The following KREMEN1 variants were observed in gnomAD, a reference collection of about 807,000 sequenced individuals.
KREMEN1 encodes kringle containing transmembrane protein 1, also known as kremen protein 1.
Under a neutral mutation model 46.5 loss-of-function variants are expected in KREMEN1, and 30 were observed. The ratio of observed to expected loss-of-function variants is 0.65; its 90% CI spans 0.48 to 0.88. The LOEUF is 0.88. Ranked by LOEUF, KREMEN1 falls within the 40% of genes least tolerant of loss-of-function variation. KREMEN1 has a pLI of 0.00. For synonymous variants in KREMEN1, 214 were observed against 230.6 expected, an observed-to-expected ratio of 0.93 and a Z score of 0.65; for missense variants, 533 against 596.9, an observed-to-expected ratio of 0.89 and a Z score of 1.11.
chr22:29,136,560 C>T (rs547494220), intron 5 of KREMEN1, among the ~76,000 whole-genome samples: 8 of 145,260 alleles, frequency 5.5e-5, no homozygotes, highest in South Asian at 2.3e-4. Context: ...GGGAGACAGA[C>T]GGAGACTCCT....
chr22:29,125,189 AC>A (rs1311265535), intron 4 of KREMEN1, 73 bp from the exon 5 acceptor site: 5 of 1,560,186 alleles, frequency 3.2e-6, no homozygotes, highest in African/African-American at 2.7e-5. Flanking sequence ...CTGGAAGCCC[AC>A]CCTGCCAGGC....
At chr22:29,134,661 C>G (rs1280376984) in intron 5 of KREMEN1, among the ~76,000 whole-genome samples, 1 of 152,160 alleles carries the variant, frequency 6.6e-6, no homozygotes, top group Non-Finnish European at 1.5e-5. Flanking sequence ...AGTGTTTACA[C>G]CTGGGCAGAT....
At chr22:29,105,519 G>T (rs1314430504) in intron 3 of KREMEN1, among the ~76,000 whole-genome samples, 3 of 130,316 alleles carry the variant, frequency 2.3e-5, no homozygotes, top group African/African-American at 7.7e-5. Context: ...ACACTCTGAT[G>T]AATTCCAAGC....
At position 29,162,586 on chromosome 22, in the gene KREMEN1, C is replaced by T. The variant is rs143336169; in HGVS notation, c.1417-4458C>T. On this transcript the variant is annotated intron_variant, in intron 9 of 9. Transcript: ENST00000327813. ...ACAGAAAATTAGCTGGGCGTGGTGG[C>T]AGATGCCTGTAATCTCAGCTACTCG... is the stretch of plus-strand genomic sequence containing the variant. Among the ~76,000 whole-genome samples the T allele has an allele frequency of 2.6e-4, 39 of 152,142 alleles. 1 individual carries two copies. Among genetic ancestry groups the T allele is most frequent in the Non-Finnish European group, 3.7e-4 (25 of 68,000 alleles).
Position 29,140,331 on chromosome 22 carries a change from C to T in KREMEN1, c.1173C>T (p.Ala391=), listed in dbSNP as rs767206044. The T allele has an allele frequency of 6.2e-7, 1 of 1,614,116 alleles. No homozygotes were observed. Among genetic ancestry groups the T allele is most frequent in the South Asian group, 1.1e-5 (1 of 91,088 alleles). Residue 391 remains alanine (A), a synonymous_variant, in exon 8 of 9, where the codon GCC becomes GCT. Coordinates refer to ENST00000400335, the MANE Select transcript of KREMEN1 (RefSeq NM_001039570.3). ...LATLLILTVT[A]IVAKILLHVT... is the part of the protein sequence containing the mutation. ...CTCTCCTCATCCTCACAGTCACAGC[C>T]ATTGTAGCAAAGATACTTCTGCACG...
intron 3 of KREMEN1, among the ~76,000 whole-genome samples, chr22:29,102,943 A>G (rs2037998493): frequency 1.3e-5 from 2 of 152,276 alleles, no homozygotes; most frequent in South Asian, 4.1e-4. Context: ...TGTGGGGACC[A>G]GGGCTCCCCA....
chr22:29,152,225 C>T lies in KREMEN1; in HGVS notation c.1416+10125C>T, dbSNP rs551450099. On this transcript the variant is annotated intron_variant, in intron 9 of 9. Transcript: ENST00000327813. Reference sequence around the variant, plus strand: ...CCTGCAGTCTTTGCTGAATGGTCTGCACTGCAGGGGAGGGCGGCTGGTTTC... The same window carrying T: ...CCTGCAGTCTTTGCTGAATGGTCTGTACTGCAGGGGAGGGCGGCTGGTTTC... 9.8e-5 allele frequency among the ~76,000 whole-genome samples: 15 copies of T among 152,292 alleles called. 1 individual carries two copies. In the South Asian group the frequency reaches 3.1e-3, roughly 32 times the overall value.
chr22:29,161,197 A>G (rs1009643376), intron 9 of KREMEN1, among the ~76,000 whole-genome samples: 7 of 152,204 alleles, frequency 4.6e-5, no homozygotes, highest in Non-Finnish European at 8.8e-5. Flanking sequence ...GAACAAATCA[A>G]TATCATGTTC....
At chr22:29,146,865 G>T (rs927308149), downstream of KREMEN1, 1 of 868,908 alleles carries the variant, frequency 1.2e-6, no homozygotes, top group African/African-American at 1.8e-5. Flanking sequence ...TCCCCAGAGA[G>T]CGTGGGACAA....
intron 5 of KREMEN1, among the ~76,000 whole-genome samples, chr22:29,127,636 G>A (rs1189179759): frequency 6.6e-6 from 1 of 151,912 alleles, no homozygotes; most frequent in African/African-American, 2.4e-5. Flanking sequence ...CCTGGCGACA[G>A]AGCGAGACTC....
chr22:29,155,496 T>C (rs1189551103), intron 9 of KREMEN1, among the ~76,000 whole-genome samples: 2 of 151,740 alleles, frequency 1.3e-5, no homozygotes, highest in Admixed American at 6.6e-5. Flanking sequence ...GATCACGCCA[T>C]TGCACTCCAG....
intron 8 of KREMEN1, among the ~76,000 whole-genome samples, chr22:29,141,723 G>A (rs1034491108): frequency 6.6e-5 from 10 of 152,330 alleles, no homozygotes; most frequent in Admixed American, 6.5e-4. Context: ...AAAGTTCTTT[G>A]TTATTCTGAT....
intron 9 of KREMEN1, among the ~76,000 whole-genome samples, chr22:29,157,460 C>A (rs2038973331): frequency 6.6e-6 from 1 of 152,212 alleles, no homozygotes; most frequent in South Asian, 2.1e-4. Flanking sequence ...GCCTCAGCCT[C>A]CCGAATAGCT....
chr22:29,153,440 C>T (rs1569341429), intron 9 of KREMEN1, among the ~76,000 whole-genome samples: 1 of 152,198 alleles, frequency 6.6e-6, no homozygotes. Context: ...CCTCACTCTC[C>T]TGGGTTTGAA....
intron 1 of KREMEN1, among the ~76,000 whole-genome samples, chr22:29,088,486 G>A (rs766297722): frequency 6.6e-5 from 10 of 151,936 alleles, no homozygotes; most frequent in Non-Finnish European, 1.0e-4. Flanking sequence ...ACACCACCAC[G>A]CTTGGCTAAT....
chr22:29,115,624 C>A (rs1241819989), intron 3 of KREMEN1, among the ~76,000 whole-genome samples: 1 of 152,040 alleles, frequency 6.6e-6, no homozygotes, highest in East Asian at 1.9e-4. Flanking sequence ...CATAGTTAAT[C>A]AGGTAGAGAG....
chr22:29,160,266 C>T (rs2038999002), intron 9 of KREMEN1, among the ~76,000 whole-genome samples: 2 of 151,954 alleles, frequency 1.3e-5, no homozygotes, highest in African/African-American at 4.8e-5. Context: ...TGTGGTGGCT[C>T]ACTCCTGTAA....
chr22:29,159,883 T>C (rs1372531645), intron 9 of KREMEN1, among the ~76,000 whole-genome samples: 1 of 152,118 alleles, frequency 6.6e-6, no homozygotes, highest in African/African-American at 2.4e-5. Context: ...TCTACTTATA[T>C]ATATGTAGAA....
intron 1 of KREMEN1, among the ~76,000 whole-genome samples, chr22:29,090,753 T>A (rs1042743015): frequency 6.6e-6 from 1 of 152,292 alleles, no homozygotes; most frequent in Admixed American, 6.5e-5. Context: ...ATGCAGAGCA[T>A]TCGAGTTGGT....
Sources: gnomAD v4.1 joint callset for allele counts (sites outside exome capture counted in the v4.1 genomes callset) on GRCh38, gnomAD v4.1.1 for gene constraint, MANE v1.5 for transcripts, NCBI Gene and HGNC (gene_info 2026-07-23, HGNC 2026-07-21) for gene names.